COG2: variants seen among roughly 807,000 people sequenced by gnomAD.
The protein encoded by COG2 is component of oligomeric golgi complex 2, also known as conserved oligomeric Golgi complex subunit 2.
A neutral mutation model predicts 90.6 loss-of-function variants in COG2; 52 were observed. The ratio of observed to expected loss-of-function variants is 0.57; its 90% CI spans 0.46 to 0.72. The LOEUF (loss-of-function observed/expected upper bound fraction) is 0.72, where lower values mean the gene tolerates loss of function less well. Among genes scored for constraint, COG2 ranks in the 30% least tolerant of loss-of-function variants. The pLI, the probability that COG2 is intolerant of heterozygous loss-of-function variation, is 0.00. For synonymous variants in COG2, 337 were observed against 320.4 expected, an observed-to-expected ratio of 1.05 and a Z score of -0.55; for missense variants, 829 against 891.2, an observed-to-expected ratio of 0.93 and a Z score of 0.89.
chr1:230,652,679 T>A (rs1273152393), intron 1 of COG2, among the ~76,000 whole-genome samples: 2 of 152,222 alleles, frequency 1.3e-5, no homozygotes, highest in Non-Finnish European at 2.9e-5. Flanking sequence ...TTCCTACTGC[T>A]CCATAACTTC....
intron 1 of COG2, among the ~76,000 whole-genome samples, chr1:230,656,972 G>A (rs1011880050): frequency 2.6e-5 from 4 of 152,076 alleles, no homozygotes; most frequent in East Asian, 1.9e-4. Flanking sequence ...GTCTTTGCAC[G>A]TGAGATGGGT....
intron 1 of COG2, among the ~76,000 whole-genome samples, chr1:230,647,508 G>T (rs1188123526): frequency 7.2e-5 from 11 of 152,144 alleles, no homozygotes; most frequent in Admixed American, 6.5e-4. Context: ...GCCTCTGCGG[G>T]CTTCAGTTTC....
intron 9 of COG2, among the ~76,000 whole-genome samples, chr1:230,675,945 G>T (rs1159937347): frequency 6.6e-6 from 1 of 150,880 alleles, no homozygotes; most frequent in African/African-American, 2.4e-5. Flanking sequence ...CCCATGTCCA[G>T]CCCTATTCCA....
intron 11 of COG2, 96 bp from the exon 12 acceptor site, chr1:230,684,989 T>G (rs1245237167): frequency 1.4e-6 from 2 of 1,421,702 alleles, no homozygotes; most frequent in Non-Finnish European, 1.9e-6. Context: ...GCCATTTTCT[T>G]TACCTTTGAA....
rs1662447115 is a variant in COG2, at chr1:230,671,522, A to G, written c.781A>G (p.Ile261Val). ...ATGATTTTTCTTTTAATAGGTGATTATAGAGCAGTTTGTTGAATCTCATCC... is the reference window on the plus strand; with the variant it reads ...ATGATTTTTCTTTTAATAGGTGATTGTAGAGCAGTTTGTTGAATCTCATCC... Reference protein sequence around the residue: ...LVKPYIDEVIIEQFVESHPNG... With the variant: ...LVKPYIDEVIVEQFVESHPNG... Residue 261 changes from isoleucine to valine, a missense_variant, in exon 8 of 18, where the codon ATA (isoleucine) becomes GTA (valine). Coordinates refer to ENST00000366669, the MANE Select transcript of COG2 (RefSeq NM_007357.3). 1.2e-6 allele frequency: 2 copies of G among 1,612,200 alleles called. No homozygotes were observed. The highest frequency in any genetic ancestry group is 1.7e-6 in the Non-Finnish European group (2 of 1,178,928).
chr1:230,686,124 C>T (rs1662879252), intron 12 of COG2, among the ~76,000 whole-genome samples: 1 of 152,192 alleles, frequency 6.6e-6, no homozygotes, highest in African/African-American at 2.4e-5. Context: ...TAAGCTGAGT[C>T]TTCATCTGGA....
chr1:230,650,132 G>A (rs986161288), intron 1 of COG2, among the ~76,000 whole-genome samples: 8 of 152,260 alleles, frequency 5.3e-5, no homozygotes, highest in African/African-American at 1.2e-4. Flanking sequence ...TGATAGACAC[G>A]TTGATTCCAT....
intron 1 of COG2, among the ~76,000 whole-genome samples, chr1:230,644,278 A>T (rs1037387219): frequency 6.6e-6 from 1 of 152,258 alleles, no homozygotes; most frequent in Non-Finnish European, 1.5e-5. Context: ...AGAAGAAAAT[A>T]CATAGAACAG....
intron 1 of COG2, among the ~76,000 whole-genome samples, chr1:230,658,218 G>A (rs1662108971): frequency 6.6e-6 from 1 of 152,086 alleles, no homozygotes. Flanking sequence ...TCTACCTTTG[G>A]TCTTTGATGT....
At position 230,685,241 on chromosome 1, in the gene COG2, G is replaced by C. The variant is rs1352305914; in HGVS notation, c.1380+5G>C. 6 of 1,614,062 alleles carry C rather than the reference G, an allele frequency of 3.7e-6. No homozygotes were observed. Among genetic ancestry groups the C allele is most frequent in the Non-Finnish European group, 5.1e-6 (6 of 1,180,012 alleles). The stretch of plus-strand genomic sequence containing the variant: ...TACTCTGTGTTTGTCAATGAGGTAA[G>C]GGCTGGCTGTGGAGCTCATCCATAA... On this transcript the variant is annotated splice_donor_5th_base_variant and intron_variant, in intron 12 of 17. Coordinates refer to ENST00000366669, the MANE Select transcript of COG2 (RefSeq NM_007357.3).
At chr1:230,691,761 G>A (rs1446470510) in intron 17 of COG2, 197 bp downstream of exon 17, 9 of 544,024 alleles carry the variant, frequency 1.7e-5, no homozygotes, top group Middle Eastern at 4.9e-4. Flanking sequence ...GAGAATTCCC[G>A]TTTTGAAGTC....
rs992952794 is a variant in COG2 at position 230,653,851 on chromosome 1, C to T, written c.73-5613C>T. Among the ~76,000 whole-genome samples, 30 of 152,230 alleles carry T rather than the reference C, an allele frequency of 2.0e-4. 1 individual carries two copies. Among genetic ancestry groups the T allele is most frequent in the African/African-American group, 7.0e-4 (29 of 41,540 alleles). ...CAAGAGCAAGAGAGGGATGAACTCA[C>T]TTTTATAACCCTCTCTCAAAAATGA... On this transcript the variant is annotated intron_variant, in intron 1 of 17. Coordinates refer to ENST00000366669, the MANE Select transcript of COG2 (RefSeq NM_007357.3).
intron 3 of COG2, 137 bp from the exon 4 acceptor site, chr1:230,663,004 C>G (rs1011992315): frequency 1.9e-6 from 1 of 538,308 alleles, no homozygotes; most frequent in African/African-American, 2.0e-5. Context: ...GCAATTGTGT[C>G]TAATATTTTG....
intron 11 of COG2, 87 bp downstream of exon 11, chr1:230,683,722 G>C (rs758133273): frequency 1.3e-6 from 1 of 772,272 alleles, no homozygotes; most frequent in Non-Finnish European, 2.0e-6. Flanking sequence ...TATTCTGAGC[G>C]TACTTTTACT....
chr1:230,685,255 G>A lies in COG2; in HGVS notation c.1380+19G>A, dbSNP rs1662860473. On this transcript the variant is annotated intron_variant, in intron 12 of 17. Coordinates refer to ENST00000366669, the MANE Select transcript of COG2 (RefSeq NM_007357.3). ...CAATGAGGTAAGGGCTGGCTGTGGA[G>A]CTCATCCATAATCAATACTGATAAA... 1 of 1,613,326 alleles carries A rather than the reference G, an allele frequency of 6.2e-7. No homozygotes were observed. The highest frequency in any genetic ancestry group is 8.5e-7 in the Non-Finnish European group (1 of 1,179,710).
chr1:230,664,612 C>A, intron 5 of COG2, 25 bp downstream of exon 5: 2 of 1,173,360 alleles, frequency 1.7e-6, no homozygotes, highest in Non-Finnish European at 2.4e-6. Flanking sequence ...TTAAATAACT[C>A]GTAAATTAAT....
chr1:230,642,988 A>T (rs1331399370), intron 1 of COG2: 5 of 331,646 alleles, frequency 1.5e-5, no homozygotes, highest in Non-Finnish European at 2.7e-5. Flanking sequence ...TCAGATTGCC[A>T]GTCCCCTTGT....
At chr1:230,664,414 T>C in intron 4 of COG2, 70 bp from the exon 5 acceptor site, 1 of 635,560 alleles carries the variant, frequency 1.6e-6, no homozygotes, top group Non-Finnish European at 2.6e-6. Flanking sequence ...TTTCCTGTAC[T>C]TAGGATGATG....
intron 10 of COG2, chr1:230,681,936 C>T (rs1358284966): frequency 6.6e-6 from 1 of 151,926 alleles, no homozygotes; most frequent in Non-Finnish European, 1.5e-5. Flanking sequence ...GGGATCAAGG[C>T]TCTGCTGCAT....
Sources: allele counts gnomAD v4.1 joint callset (sites outside exome capture counted in the v4.1 genomes callset), GRCh38; gene constraint gnomAD v4.1.1; transcripts MANE v1.5; gene names NCBI Gene and HGNC (gene_info 2026-07-23, HGNC 2026-07-21).